KCNQ5: variants seen among roughly 807,000 people sequenced by gnomAD.
The protein encoded by KCNQ5 is potassium voltage-gated channel subfamily KQT member 5.
A neutral mutation model predicts 98.2 loss-of-function variants in KCNQ5; 30 were observed. The ratio of observed to expected loss-of-function variants is 0.31; its 90% CI spans 0.23 to 0.41. The LOEUF is 0.41. KCNQ5 is among the 10% of genes least tolerant of loss of function. KCNQ5 has a pLI of 1.00. For missense variants in KCNQ5, 835 were observed against 1,182.5 expected, an observed-to-expected ratio of 0.71 and a Z score of 4.31; for synonymous variants, 458 against 449.4, an observed-to-expected ratio of 1.02 and a Z score of -0.24.
chr6:72,706,967 A>G (rs1769119628), intron 1 of KCNQ5, among the ~76,000 whole-genome samples: 1 of 152,166 alleles, frequency 6.6e-6, no homozygotes, highest in Admixed American at 6.5e-5. Context: ...TATACTTTTA[A>G]GGAAAATTCA....
chr6:73,001,384 T>G (rs1418182053), intron 1 of KCNQ5, among the ~76,000 whole-genome samples: 1 of 152,192 alleles, frequency 6.6e-6, no homozygotes, highest in Non-Finnish European at 1.5e-5. Context: ...ATGTATTGAG[T>G]ACCCATTGTA....
intron 10 of KCNQ5, among the ~76,000 whole-genome samples, chr6:73,144,444 G>C (rs1261819209): frequency 6.6e-6 from 1 of 152,160 alleles, no homozygotes; most frequent in African/African-American, 2.4e-5. Flanking sequence ...CCTGAGATTT[G>C]CGTCTTTCAT....
intron 1 of KCNQ5, among the ~76,000 whole-genome samples, chr6:72,934,935 G>A (rs1407242522): frequency 6.6e-6 from 1 of 151,928 alleles, no homozygotes; most frequent in Non-Finnish European, 1.5e-5. Context: ...ACCTCACTCA[G>A]GTACTTACTT....
At chr6:72,941,012 A>G (rs1214728625) in intron 1 of KCNQ5, among the ~76,000 whole-genome samples, 1 of 152,182 alleles carries the variant, frequency 6.6e-6, no homozygotes, top group Admixed American at 6.5e-5. Context: ...TATGAAGGAC[A>G]TTAGTGTCGA....
At chr6:72,947,114 G>A (rs1766584006) in intron 1 of KCNQ5, among the ~76,000 whole-genome samples, 1 of 152,024 alleles carries the variant, frequency 6.6e-6, no homozygotes, top group African/African-American at 2.4e-5. Flanking sequence ...GAGCTCACAG[G>A]GCCTTCTATG....
intron 1 of KCNQ5, among the ~76,000 whole-genome samples, chr6:72,658,805 C>T (rs1766353879): frequency 6.6e-6 from 1 of 151,964 alleles, no homozygotes; most frequent in Non-Finnish European, 1.5e-5. Flanking sequence ...ATCTCGAACT[C>T]CTGAACTCAG....
chr6:73,182,255 A>G (rs1234499158), intron 11 of KCNQ5, among the ~76,000 whole-genome samples: 7 of 152,212 alleles, frequency 4.6e-5, no homozygotes, highest in Non-Finnish European at 7.3e-5. Flanking sequence ...TTATTGTCCT[A>G]TGGCTGCTCG....
intron 1 of KCNQ5, among the ~76,000 whole-genome samples, chr6:72,921,055 G>C (rs1402800528): frequency 6.6e-6 from 1 of 152,112 alleles, no homozygotes; most frequent in African/African-American, 2.4e-5. Flanking sequence ...CTGCCAGAAA[G>C]GGGCTTATTG....
chr6:72,906,590 C>A (rs914502519), intron 1 of KCNQ5, among the ~76,000 whole-genome samples: 1 of 152,208 alleles, frequency 6.6e-6, no homozygotes, highest in Non-Finnish European at 1.5e-5. Context: ...TTCCTCTAAC[C>A]CTGTATTTCA....
chr6:73,043,246 C>T (rs1771799322), intron 3 of KCNQ5: 1 of 264,946 alleles, frequency 3.8e-6, no homozygotes, highest in African/African-American at 2.2e-5. Flanking sequence ...ACTTATTAAA[C>T]CAGAATTTAT....
chr6:73,160,270 G>A (rs1273484521), intron 10 of KCNQ5, among the ~76,000 whole-genome samples: 1 of 152,022 alleles, frequency 6.6e-6, no homozygotes, highest in African/African-American at 2.4e-5. Flanking sequence ...CCCGCCTCGG[G>A]CCCCCAAAGT....
intron 1 of KCNQ5, among the ~76,000 whole-genome samples, chr6:72,666,623 A>T (rs554897414): frequency 7.2e-4 from 109 of 152,308 alleles, no homozygotes; most frequent in South Asian, 2.9e-3. Flanking sequence ...AAATTATTCA[A>T]AATACTTACA....
intron 1 of KCNQ5, among the ~76,000 whole-genome samples, chr6:72,922,388 T>C (rs1407042710): frequency 6.6e-6 from 1 of 152,190 alleles, no homozygotes; most frequent in Non-Finnish European, 1.5e-5. Context: ...ATAATTAACA[T>C]ATCCTTTACC....
chr6:72,902,415 G>T (rs903734662), intron 1 of KCNQ5, among the ~76,000 whole-genome samples: 1 of 152,162 alleles, frequency 6.6e-6, no homozygotes, highest in Non-Finnish European at 1.5e-5. Flanking sequence ...TCCTTGTCTT[G>T]TTCCAGTTCT....
chr6:72,815,168 A>G (rs1331265004), intron 1 of KCNQ5, among the ~76,000 whole-genome samples: 3 of 152,176 alleles, frequency 2.0e-5, no homozygotes, highest in African/African-American at 2.4e-5. Flanking sequence ...AGGAGCCTAT[A>G]GAGTCAGGTG....
chr6:73,038,609 T>G (rs7752262), intron 2 of KCNQ5, among the ~76,000 whole-genome samples: 103,402 of 151,252 alleles, frequency 0.68, 40,010 homozygotes, highest in Non-Finnish European at 0.88. Context: ...ATGCTATTTC[T>G]TCATCAATTT....
At chr6:72,636,626 C>CA (rs1554680905) in intron 1 of KCNQ5, among the ~76,000 whole-genome samples, 1 of 152,170 alleles carries the variant, frequency 6.6e-6, no homozygotes, top group Non-Finnish European at 1.5e-5. Context: ...CTACATTTCT[C>CA]AGCTTTCTGG....
chr6:73,080,934 T>C (rs1773738913), intron 5 of KCNQ5, among the ~76,000 whole-genome samples: 1 of 152,144 alleles, frequency 6.6e-6, no homozygotes, highest in African/African-American at 2.4e-5. Flanking sequence ...AAAACTTTGA[T>C]CCCTGAAAGC....
chr6:73,056,364 T>A (rs1772492312), intron 3 of KCNQ5, among the ~76,000 whole-genome samples: 1 of 151,610 alleles, frequency 6.6e-6, no homozygotes, highest in South Asian at 2.1e-4. Context: ...TTGGGATCAA[T>A]CCTGAATTTA....
Sources: allele counts gnomAD v4.1 joint callset (sites outside exome capture counted in the v4.1 genomes callset), GRCh38; gene constraint gnomAD v4.1.1; transcripts MANE v1.5; gene names NCBI Gene and HGNC (gene_info 2026-07-23, HGNC 2026-07-21).